MFNG: variants seen among roughly 807,000 people sequenced by gnomAD.
MFNG encodes the protein MFNG O-fucosylpeptide 3-beta-N-acetylglucosaminyltransferase.
MFNG carries 24 observed loss-of-function variants against 34.2 expected under a neutral mutation model. That is an observed-to-expected ratio of 0.70 (90% CI 0.51 to 0.99). The LOEUF (loss-of-function observed/expected upper bound fraction) is 0.99, where lower values mean the gene tolerates loss of function less well. Ranked by LOEUF, MFNG falls within the 50% of genes least tolerant of loss-of-function variation. The pLI, the probability that MFNG is intolerant of heterozygous loss-of-function variation, is 0.00. For missense variants in MFNG, 383 were observed against 424.0 expected, an observed-to-expected ratio of 0.90 and a Z score of 0.85; for synonymous variants, 158 against 179.2, an observed-to-expected ratio of 0.88 and a Z score of 0.94.
chr22:37,486,208 C>A lies in MFNG; in HGVS notation c.-31G>T. The A allele has an allele frequency of 2.0e-6, 3 of 1,494,346 alleles. No individual in the cohort carries two copies. The highest frequency in any genetic ancestry group is 1.8e-6 in the Non-Finnish European group (2 of 1,122,918). The allele number at this position is 1,494,346 out of a possible 1,614,324, so 92.6% of individuals were successfully genotyped here. On this transcript the variant is annotated 5_prime_UTR_variant, in exon 1 of 8. Coordinates refer to ENST00000356998, the MANE Select transcript of MFNG (RefSeq NM_002405.4). ...GGCCCTGGGACCCCAGACAGCTCAG[C>A]CCCCAAATCCCAACCAGACAGGGAG... is the stretch of plus-strand genomic sequence containing the variant.
intron 1 of MFNG, among the ~76,000 whole-genome samples, chr22:37,484,034 C>G (rs1922416904): frequency 6.6e-6 from 1 of 152,182 alleles, no homozygotes; most frequent in Non-Finnish European, 1.5e-5. Context: ...GACACGCAGC[C>G]TGCTGGGGCA....
chr22:37,469,879 A>T lies in MFNG; in HGVS notation c.*84T>A, dbSNP rs1921727646. 1 of 1,132,816 alleles carries T rather than the reference A, an allele frequency of 8.8e-7. No homozygotes were observed. The highest frequency in any genetic ancestry group is 2.0e-5 in the Admixed American group (1 of 50,638). The allele number at this position is 1,132,816 out of a possible 1,614,324, so 70.2% of individuals were successfully genotyped here. A position where few individuals can be genotyped will look rare whatever the true frequency, so the allele number is the denominator to read the frequency against. ...TGCCAGGGACTGCCTATCACAAGAC[A>T]CTTGCCAGGGACCCACAGTGCCACC... On this transcript the variant is annotated 3_prime_UTR_variant, in exon 8 of 8. Coordinates refer to ENST00000356998, the MANE Select transcript of MFNG (RefSeq NM_002405.4).
At chr22:37,480,545 A>T (rs1016328293) in intron 2 of MFNG, among the ~76,000 whole-genome samples, 176 bp downstream of exon 2, 7 of 151,980 alleles carry the variant, frequency 4.6e-5, no homozygotes, top group Non-Finnish European at 1.0e-4. Context: ...CCCCATACCC[A>T]CGCCCACACC....
At chr22:37,473,359 G>A (rs1223438385) in intron 6 of MFNG, among the ~76,000 whole-genome samples, 1 of 152,046 alleles carries the variant, frequency 6.6e-6, no homozygotes, top group African/African-American at 2.4e-5. Context: ...AACCCGGGAG[G>A]TGGAGGTTGC....
At chr22:37,480,333 C>G in intron 2 of MFNG, 34 bp from the exon 3 acceptor site, 2 of 1,544,194 alleles carry the variant, frequency 1.3e-6, no homozygotes, top group Non-Finnish European at 1.8e-6. Flanking sequence ...GGGACCCTGC[C>G]CAGGTCCCCC....
chr22:37,471,855 A>AT (rs1475045182), intron 7 of MFNG, among the ~76,000 whole-genome samples: 1 of 147,802 alleles, frequency 6.8e-6, no homozygotes, highest in Non-Finnish European at 1.5e-5. Context: ...AAAAAAAAAA[A>AT]GCCACAGCTG....
intron 4 of MFNG, among the ~76,000 whole-genome samples, chr22:37,477,510 C>T (rs1569157109): frequency 6.6e-6 from 1 of 152,058 alleles, no homozygotes; most frequent in Non-Finnish European, 1.5e-5. Context: ...GCAGTGGCAC[C>T]ATCTCTGCTC....
intron 3 of MFNG, 124 bp downstream of exon 3, chr22:37,480,073 C>T (rs1569157829): frequency 1.4e-6 from 1 of 695,784 alleles, no homozygotes; most frequent in Admixed American, 2.9e-5. Context: ...CCCAGCTGGA[C>T]TTCCCAGCCA....
chr22:37,475,293 G>A (rs1215016229), intron 5 of MFNG, among the ~76,000 whole-genome samples: 3 of 152,202 alleles, frequency 2.0e-5, no homozygotes, highest in East Asian at 1.9e-4. Context: ...GTGCAATCTC[G>A]GCTCACTGCA....
At chr22:37,476,857 C>G (rs765977846) in intron 5 of MFNG, 39 bp downstream of exon 5, 13 of 1,536,294 alleles carry the variant, frequency 8.5e-6, no homozygotes, top group Non-Finnish European at 1.1e-5. Flanking sequence ...GCTGCCACCC[C>G]CTCCCCGCCT....
Position 37,485,878 on chromosome 22 carries a change from T to TA in MFNG, c.255+44dup. The TA allele has an allele frequency of 6.3e-7, 1 of 1,579,868 alleles. No individual in the cohort carries two copies. Among genetic ancestry groups the TA allele is most frequent in the Non-Finnish European group, 8.6e-7 (1 of 1,160,286 alleles). On this transcript the variant is annotated intron_variant, in intron 1 of 7. Transcript: ENST00000356998. The surrounding 1 kb of genome is among the most constrained non-coding windows in gnomAD (Gnocchi z 5.3). ...AGTAGAAAGGCCTCTGAGAACCCCT[T>TA]AGGCCAGGGGCCACCCCCAGGGCCC... is the stretch of plus-strand genomic sequence containing the variant.
In MFNG at chr22:37,485,475, G is replaced by C. The variant is rs6000748; in HGVS notation, c.255+448C>G. The stretch of plus-strand genomic sequence containing the variant: ...CAGAGCCCGGGCAGGACAGCACCTA[G>C]GGCCTGGGTGGGACAGCCTGGCCTG... On this transcript the variant is annotated intron_variant, in intron 1 of 7. Coordinates refer to ENST00000356998, the MANE Select transcript of MFNG (RefSeq NM_002405.4). The surrounding 1 kb of genome is among the most constrained non-coding windows in gnomAD (Gnocchi z 5.3). 0.27 allele frequency among the ~76,000 whole-genome samples: 40,410 copies of C among 152,178 alleles called. 7,996 individuals are homozygous for C. The highest frequency in any genetic ancestry group is 0.56 in the African/African-American group (23,416 of 41,500).
Position 37,485,826 on chromosome 22 carries a change from C to T in MFNG, c.255+97G>A. ...TTAGGCAGGTATTGAGCAGCTTCTC[C>T]CATGAGGCAGTCAGGGACCCCAGCC... On this transcript the variant is annotated intron_variant, in intron 1 of 7. Transcript: ENST00000356998. The surrounding 1 kb of genome is among the most constrained non-coding windows in gnomAD (Gnocchi z 5.3). 1 of 1,415,914 alleles carries T rather than the reference C, an allele frequency of 7.1e-7. No individual in the cohort carries two copies. Among genetic ancestry groups the T allele is most frequent in the Non-Finnish European group, 9.5e-7 (1 of 1,051,424 alleles). 87.7% of individuals were successfully genotyped at this position (1,415,914 alleles called of 1,614,324 possible).
intron 4 of MFNG, among the ~76,000 whole-genome samples, chr22:37,478,079 C>T (rs563162087): frequency 6.6e-6 from 1 of 152,266 alleles, no homozygotes; most frequent in East Asian, 1.9e-4. Flanking sequence ...CCCCCTGGCT[C>T]CCCTGGAATC....
intron 5 of MFNG, among the ~76,000 whole-genome samples, chr22:37,476,368 T>A (rs1922040611): frequency 6.6e-6 from 1 of 151,966 alleles, no homozygotes; most frequent in African/African-American, 2.4e-5. Flanking sequence ...ACACCCACTG[T>A]GCTATTAGGA....
intron 1 of MFNG, chr22:37,484,631 G>C (rs1373238177): frequency 6.6e-6 from 1 of 152,302 alleles, no homozygotes; most frequent in African/African-American, 2.4e-5. Context: ...GACAGGAAAG[G>C]GCCGTGGGCC....
chr22:37,473,487 T>C (rs772844112), intron 6 of MFNG, among the ~76,000 whole-genome samples: 25 of 151,614 alleles, frequency 1.6e-4, no homozygotes, highest in Non-Finnish European at 2.9e-4. Flanking sequence ...GTACTCAGGA[T>C]ACCCTAACCA....
chr22:37,470,344 G>A (rs1284650274), intron 7 of MFNG, among the ~76,000 whole-genome samples: 1 of 152,156 alleles, frequency 6.6e-6, no homozygotes, highest in African/African-American at 2.4e-5. Flanking sequence ...CTAGTTTGGA[G>A]AAACTTCAAA....
Position 37,482,488 on chromosome 22 carries a change from C to A in MFNG, c.256-1719G>T, listed in dbSNP as rs562784902. 2.0e-4 allele frequency among the ~76,000 whole-genome samples: 31 copies of A among 152,044 alleles called. No individual in the cohort carries two copies. Among genetic ancestry groups the A allele is most frequent in the Admixed American group, 1.9e-3 (29 of 15,266 alleles). ...ACACACACACACACACACGCACGTG[C>A]GCACGCCTCTGAGCCTCTGCGCATG... On this transcript the variant is annotated intron_variant, in intron 1 of 7. Transcript: ENST00000356998. This position sits in a 1 kb window ranked among gnomAD's most constrained non-coding sequence, Gnocchi z 4.1.
Sources: gnomAD v4.1 joint callset for allele counts (sites outside exome capture counted in the v4.1 genomes callset) on GRCh38, gnomAD v4.1.1 for gene constraint, Gnocchi (gnomAD v3.1) non-coding constraint, MANE v1.5 for transcripts, NCBI Gene and HGNC (gene_info 2026-07-23, HGNC 2026-07-21) for gene names.